Variants in CHM observed in about 807,000 individuals in gnomAD.
CHM encodes the protein CHM Rab escort protein.
A neutral mutation model predicts 49.0 loss-of-function variants in CHM; 10 were observed. The observed-to-expected ratio is 0.20, with a 90% confidence interval of 0.13 to 0.35. The LOEUF (loss-of-function observed/expected upper bound fraction) is 0.35, where lower values mean the gene tolerates loss of function less well. Ranked by LOEUF, CHM falls within the 10% of genes least tolerant of loss-of-function variation. The pLI, the probability that CHM is intolerant of heterozygous loss-of-function variation, is 1.00. For missense variants in CHM, 455 were observed against 478.4 expected, an observed-to-expected ratio of 0.95 and a Z score of 0.46; for synonymous variants, 184 against 167.5, an observed-to-expected ratio of 1.10 and a Z score of -0.76.
intron 1 of CHM, among the ~76,000 whole-genome samples, chrX:86,039,848 C>A (rs772483838): frequency 9.0e-6 from 1 of 111,357 alleles, no homozygotes; most frequent in South Asian, 3.8e-4. Context: ...CAGAGGGACA[C>A]CTTGACAGCG....
At chrX:86,021,165 T>C (rs1342865207) in intron 2 of CHM, among the ~76,000 whole-genome samples, 8 of 38,475 alleles carry the variant, frequency 2.1e-4, no homozygotes, top group Admixed American at 1.9e-3. Flanking sequence ...TATACACGTA[T>C]ATATATGTGT....
chrX:85,965,263 TAAGAAA>T (rs1371998563), intron 4 of CHM, among the ~76,000 whole-genome samples: 3 of 112,421 alleles, frequency 2.7e-5, no homozygotes, highest in African/African-American at 6.5e-5. Context: ...CAAACTACTT[TAAGAAA>T]AAGTTTAAAT....
chrX:85,999,936 T>C (rs1932621559), intron 2 of CHM, among the ~76,000 whole-genome samples: 2 of 111,624 alleles, frequency 1.8e-5, no homozygotes, highest in African/African-American at 6.5e-5. Context: ...TCAACAGAGG[T>C]TGTACTTGAT....
intron 14 of CHM, among the ~76,000 whole-genome samples, chrX:85,871,718 T>C (rs144162258): frequency 2.7e-5 from 3 of 111,628 alleles, no homozygotes; most frequent in African/African-American, 9.8e-5. Flanking sequence ...GATAAAATTA[T>C]CCCTCAATTA....
intron 10 of CHM, 83 bp from the exon 11 acceptor site, chrX:85,900,792 G>A (rs1603244527): frequency 4.2e-6 from 3 of 712,844 alleles, no homozygotes; most frequent in South Asian, 2.3e-5. Flanking sequence ...CAGAAGGCAC[G>A]TTTCAAAGAT....
intron 11 of CHM, among the ~76,000 whole-genome samples, chrX:85,896,868 A>G (rs1925874442): frequency 1.0e-5 from 1 of 100,031 alleles, no homozygotes; most frequent in Non-Finnish European, 2.0e-5. Flanking sequence ...TATAGTATAT[A>G]ATATGTATTA....
rs549606082 is a variant in CHM, at chrX:85,992,772, T to G, written c.117-10963A>C. ...TATTTCTCACGTACAACATGTTGTT[T>G]TGAAATGTTACTTGGTTTTAAGAGA... On this transcript the variant is annotated intron_variant, in intron 2 of 14. Transcript: ENST00000357749. 2.1e-4 allele frequency among the ~76,000 whole-genome samples: 24 copies of G among 112,279 alleles called. No homozygotes were observed. In the South Asian group the frequency reaches 8.5e-3, roughly 40 times the overall value.
intron 9 of CHM, among the ~76,000 whole-genome samples, 177 bp downstream of exon 9, chrX:85,911,084 C>T (rs755775277): frequency 1.5e-5 from 1 of 65,981 alleles, no homozygotes; most frequent in Non-Finnish European, 2.8e-5. Context: ...TTAAAACTGA[C>T]TTCAGCATTT....
intron 10 of CHM, 59 bp downstream of exon 10, chrX:85,901,025 A>T (rs1322932025): frequency 1.3e-6 from 1 of 793,054 alleles, no homozygotes; most frequent in Non-Finnish European, 1.9e-6. Context: ...GAAGAACAGA[A>T]TTACACAGGA....
At position 85,862,688 on chromosome X, in the gene CHM, G is replaced by C. The variant is rs1182749158; in HGVS notation, c.*1942C>G. The C allele has an allele frequency of 8.9e-6, 1 of 111,817 alleles. No individual in the cohort carries two copies. The highest frequency in any genetic ancestry group is 3.3e-5 in the African/African-American group (1 of 30,736). 9.2% of individuals were successfully genotyped at this position (111,817 alleles called of 1,213,427 possible). On this transcript the variant is annotated 3_prime_UTR_variant, in exon 15 of 15. Coordinates refer to ENST00000357749, the MANE Select transcript of CHM (RefSeq NM_000390.4). ...GGGATAGGAGCAGCCTGAGAGGCTA[G>C]TAAGTTAAGTTCTTCCATTACTCTG...
chrX:85,938,972 T>A (rs776311996), intron 8 of CHM, among the ~76,000 whole-genome samples: 2 of 112,075 alleles, frequency 1.8e-5, no homozygotes, highest in South Asian at 3.7e-4. Flanking sequence ...TCCCATAAGA[T>A]TCTAATACTG....
intron 2 of CHM, among the ~76,000 whole-genome samples, chrX:86,007,284 T>C (rs1267010689): frequency 2.1e-4 from 24 of 112,067 alleles, no homozygotes; most frequent in African/African-American, 7.1e-4. Flanking sequence ...GACTTACATG[T>C]TAGACCTAAA....
intron 8 of CHM, among the ~76,000 whole-genome samples, chrX:85,954,432 C>A (rs1341447297): frequency 9.0e-6 from 1 of 111,027 alleles, no homozygotes; most frequent in Non-Finnish European, 1.9e-5. Context: ...AGGTATATAC[C>A]CAAAAGAAAG....
At chrX:85,928,753 G>T (rs902768316) in intron 8 of CHM, among the ~76,000 whole-genome samples, 10 of 111,237 alleles carry the variant, frequency 9.0e-5, no homozygotes, top group African/African-American at 3.3e-4. Context: ...TTTTCCTAAA[G>T]GTGACAAGAG....
chrX:86,008,097 G>T (rs1437693086), intron 2 of CHM, among the ~76,000 whole-genome samples: 3 of 111,809 alleles, frequency 2.7e-5, no homozygotes, highest in Non-Finnish European at 5.6e-5. Flanking sequence ...ATGAGTTCAT[G>T]TCCTTTGTAG....
intron 12 of CHM, among the ~76,000 whole-genome samples, chrX:85,884,479 C>G (rs958870786): frequency 9.0e-6 from 1 of 110,845 alleles, no homozygotes; most frequent in African/African-American, 3.3e-5. Flanking sequence ...TAAGGTTAGT[C>G]AAGTAGTTAG....
Position 85,954,431 on chromosome X carries a change from C to T in CHM, c.1166+1722G>A, listed in dbSNP as rs12690335. On this transcript the variant is annotated intron_variant, in intron 8 of 14. Coordinates refer to ENST00000357749, the MANE Select transcript of CHM (RefSeq NM_000390.4). ...TAGCAATCCCACTGCTAGGTATATACCCAAAAGAAAGGAAATCAGTGTATC... is the reference window on the plus strand; with the variant it reads ...TAGCAATCCCACTGCTAGGTATATATCCAAAAGAAAGGAAATCAGTGTATC... 5.3e-3 allele frequency among the ~76,000 whole-genome samples: 586 copies of T among 111,372 alleles called. 1 individual carries two copies. In the East Asian group the frequency reaches 0.054, roughly 10 times the overall value.
chrX:85,942,974 T>C (rs981392529), intron 8 of CHM, among the ~76,000 whole-genome samples: 2 of 96,206 alleles, frequency 2.1e-5, no homozygotes, highest in Admixed American at 1.2e-4. Context: ...TGTGTTCTCA[T>C]TGTTCAATTC....
At chrX:86,041,078 G>A (rs1300485923) in intron 1 of CHM, among the ~76,000 whole-genome samples, 1 of 111,937 alleles carries the variant, frequency 8.9e-6, no homozygotes, top group Non-Finnish European at 1.9e-5. Context: ...TGTTAAACAT[G>A]AGAATGTAAT....
Sources: gnomAD v4.1 joint callset for allele counts (sites outside exome capture counted in the v4.1 genomes callset) on GRCh38, gnomAD v4.1.1 for gene constraint, MANE v1.5 for transcripts, NCBI Gene and HGNC (gene_info 2026-07-23, HGNC 2026-07-21) for gene names.